C2CD2: variants seen among roughly 807,000 people sequenced by gnomAD.
C2CD2 encodes C2 domain-containing protein 2.
In C2CD2, 43 loss-of-function variants were observed where a neutral mutation model predicts 74.3. That is an observed-to-expected ratio of 0.58 (90% CI 0.45 to 0.75). The LOEUF is 0.75. Ranked by LOEUF, C2CD2 falls within the 30% of genes least tolerant of loss-of-function variation. The pLI is 0.00. For missense variants in C2CD2, 801 were observed against 916.3 expected (o/e 0.87, Z 1.63); for synonymous variants, 422 against 390.7 (o/e 1.08, Z -0.94).
rs569550259 is a variant in C2CD2 at position 41,920,217 on chromosome 21, G to A, written c.493-1257C>T. The stretch of plus-strand genomic sequence containing the variant: ...ACAGCTCCTGGATTTGGGCCTGGCC[G>A]GACACCTGGCCTCCTTCACGATGGC... On this transcript the variant is annotated intron_variant, in intron 3 of 13. Transcript: ENST00000380486. Among the ~76,000 whole-genome samples the A allele has an allele frequency of 7.9e-5, 12 of 152,304 alleles. No individual in the cohort carries two copies. In the East Asian group the frequency reaches 1.5e-3, roughly 20 times the overall value.
chr21:41,887,593 AAAAG>A lies in C2CD2; in HGVS notation c.*1527_*1530del, dbSNP rs2064699590. On this transcript the variant is annotated 3_prime_UTR_variant, in exon 14 of 14. Transcript: ENST00000380486. ...TGGTTTTTATATAGGTTTTTACTAA[AAAAG>A]AAAAAAATCCTATAATTTTGGTTTT... 1 of 150,738 alleles carries A rather than the reference AAAAG, an allele frequency of 6.6e-6. No individual in the cohort carries two copies. The highest frequency in any genetic ancestry group is 1.5e-5 in the Non-Finnish European group (1 of 67,876). The allele number at this position is 150,738 out of a possible 1,614,324, so 9.3% of individuals were successfully genotyped here. A position where few individuals can be genotyped will look rare whatever the true frequency, so the allele number is the denominator to read the frequency against.
rs1296080632 is a variant in C2CD2, at chr21:41,945,334, A to G, written c.280-3089T>C. Among the ~76,000 whole-genome samples, 2 of 152,182 alleles carry G rather than the reference A, an allele frequency of 1.3e-5. No homozygotes were observed. Among genetic ancestry groups the G allele is most frequent in the Non-Finnish European group, 2.9e-5 (2 of 68,032 alleles). On this transcript the variant is annotated intron_variant, in intron 1 of 13. Transcript: ENST00000380486. This position sits in a 1 kb window ranked among gnomAD's most constrained non-coding sequence, Gnocchi z 4.2. ...GTATGTTTGCTATTGCTGAACACTGAAGGGGAGCAATGAGAACCAAGAGGT... is the reference window on the plus strand; with the variant it reads ...GTATGTTTGCTATTGCTGAACACTGGAGGGGAGCAATGAGAACCAAGAGGT...
chr21:41,892,660 G>A lies in C2CD2; in HGVS notation c.1871-3316C>T, dbSNP rs898865880. Reference sequence around the variant, plus strand: ...GGGGGTCTGGGGACACTGGGCATGAGCATTTTTCAAAAGTTCCCAGGTCTT... The same window carrying A: ...GGGGGTCTGGGGACACTGGGCATGAACATTTTTCAAAAGTTCCCAGGTCTT... On this transcript the variant is annotated intron_variant, in intron 13 of 13. Coordinates refer to ENST00000380486, the MANE Select transcript of C2CD2 (RefSeq NM_015500.2). The surrounding 1 kb of genome is among the most constrained non-coding windows in gnomAD (Gnocchi z 4.6). 1.4e-4 allele frequency among the ~76,000 whole-genome samples: 21 copies of A among 148,058 alleles called. No homozygotes were observed. The highest frequency in any genetic ancestry group is 4.4e-4 in the African/African-American group (18 of 41,166).
At chr21:41,953,207 T>G (rs1351470527) in intron 1 of C2CD2, 163 bp downstream of exon 1, 8 of 426,738 alleles carry the variant, frequency 1.9e-5, no homozygotes, top group African/African-American at 1.4e-4. Flanking sequence ...TCAAGGGGCC[T>G]CGCTCCCCCG....
At chr21:41,906,896 G>A (rs2064968040) in intron 10 of C2CD2, 96 bp downstream of exon 10, 1 of 892,622 alleles carries the variant, frequency 1.1e-6, no homozygotes, top group African/African-American at 1.7e-5. Context: ...CTAACACTCG[G>A]CGCTGCAGGC....
intron 2 of C2CD2, among the ~76,000 whole-genome samples, chr21:41,935,969 T>G (rs1485579578): frequency 6.6e-6 from 1 of 151,488 alleles, no homozygotes; most frequent in East Asian, 1.9e-4. Flanking sequence ...AAAACTTAAA[T>G]GTGAGACCAG....
intron 2 of C2CD2, among the ~76,000 whole-genome samples, chr21:41,928,600 A>C (rs924979242): frequency 6.8e-6 from 1 of 147,860 alleles, no homozygotes; most frequent in African/African-American, 2.5e-5. Context: ...GTTTACAGTT[A>C]GCTAGAGTGA....
At chr21:41,914,893 T>C (rs1452318864) in intron 5 of C2CD2, among the ~76,000 whole-genome samples, 172 bp from the exon 6 acceptor site, 1 of 151,948 alleles carries the variant, frequency 6.6e-6, no homozygotes, top group Admixed American at 6.6e-5. Flanking sequence ...CCTTCTCACA[T>C]GAAGGGAGGG....
Position 41,907,078 on chromosome 21 carries a change from A to C in C2CD2, c.1232T>G (p.Met411Arg). Residue 411 changes from methionine to arginine, a missense_variant, in exon 10 of 14, where the codon ATG (methionine) becomes AGG (arginine). Coordinates refer to ENST00000380486, the MANE Select transcript of C2CD2 (RefSeq NM_015500.2). ...AGTAGTGACCACAGTCCCACAGGGC[A>C]TCACCGTGCGGTCCTTTTCTATTTT... Reference protein sequence around the residue: ...AAKIEKDRTVMPCGTVVTTVT... With the variant: ...AAKIEKDRTVRPCGTVVTTVT... The C allele has an allele frequency of 6.2e-7, 1 of 1,613,912 alleles. No individual in the cohort carries two copies. Among genetic ancestry groups the C allele is most frequent in the South Asian group, 1.1e-5 (1 of 91,074 alleles).
chr21:41,932,746 G>T (rs1421996676), intron 2 of C2CD2, among the ~76,000 whole-genome samples: 2 of 149,882 alleles, frequency 1.3e-5, no homozygotes, highest in Admixed American at 6.7e-5. Context: ...TTGGTCCTGT[G>T]GGATGACTCA....
At chr21:41,931,720 C>T (rs879767400) in intron 2 of C2CD2, among the ~76,000 whole-genome samples, 15 of 150,168 alleles carry the variant, frequency 1.0e-4, no homozygotes, top group Non-Finnish European at 2.2e-4. Flanking sequence ...CATGCCTGGC[C>T]AAGTGTCTTT....
chr21:41,900,610 G>A (rs1239026307), intron 12 of C2CD2, among the ~76,000 whole-genome samples: 1 of 152,182 alleles, frequency 6.6e-6, no homozygotes, highest in Non-Finnish European at 1.5e-5. Flanking sequence ...GGGTACAATG[G>A]CAAGGTTGAT....
chr21:41,896,131 G>T (rs1854094757), intron 13 of C2CD2, among the ~76,000 whole-genome samples: 1 of 152,196 alleles, frequency 6.6e-6, no homozygotes, highest in South Asian at 2.1e-4. Context: ...AGGCAGGTCG[G>T]CTGGCTGCTG....
chr21:41,946,614 T>A (rs893922046), intron 1 of C2CD2, among the ~76,000 whole-genome samples: 2 of 152,196 alleles, frequency 1.3e-5, no homozygotes, highest in African/African-American at 4.8e-5. Context: ...CAATTAAACC[T>A]CATTTCTTAT....
chr21:41,905,310 CTTTTTTTT>C (rs137969894), intron 11 of C2CD2, among the ~76,000 whole-genome samples: 1 of 125,354 alleles, frequency 8.0e-6, no homozygotes. Flanking sequence ...CAAATCAAAA[CTTTTTTTT>C]TTTTTTTTTT....
At position 41,926,459 on chromosome 21, in the gene C2CD2, G is replaced by C. The variant is rs188951150; in HGVS notation, c.379-4374C>G. The C allele has an allele frequency of 7.4e-6, 7 of 948,580 alleles. No individual in the cohort carries two copies. Among genetic ancestry groups the C allele is most frequent in the Non-Finnish European group, 8.8e-6 (7 of 796,532 alleles). The allele number at this position is 948,580 out of a possible 1,614,324, so 58.8% of individuals were successfully genotyped here. A position where few individuals can be genotyped will look rare whatever the true frequency, so the allele number is the denominator to read the frequency against. ...CCTGGGCAGCAGATGGAAGCACCAC[G>C]GGGAGGGGAAAACAAGACTGAAGGC... is the stretch of plus-strand genomic sequence containing the variant. On this transcript the variant is annotated intron_variant, in intron 2 of 13. Coordinates refer to ENST00000380486, the MANE Select transcript of C2CD2 (RefSeq NM_015500.2). The surrounding 1 kb of genome is among the most constrained non-coding windows in gnomAD (Gnocchi z 8.0).
At chr21:41,902,347 A>G (rs1448583630) in intron 11 of C2CD2, among the ~76,000 whole-genome samples, 1 of 152,222 alleles carries the variant, frequency 6.6e-6, no homozygotes. Context: ...GGTTAATAAC[A>G]ACACACACCA....
intron 13 of C2CD2, among the ~76,000 whole-genome samples, chr21:41,890,741 A>G (rs1343068515): frequency 6.6e-6 from 1 of 152,272 alleles, no homozygotes; most frequent in Non-Finnish European, 1.5e-5. Context: ...GGCACGAAGA[A>G]TATCAATTCC....
chr21:41,933,654 A>C (rs796065653), intron 2 of C2CD2, among the ~76,000 whole-genome samples: 1 of 152,356 alleles, frequency 6.6e-6, no homozygotes, highest in East Asian at 1.9e-4. Flanking sequence ...TTCTACTCCC[A>C]ACTGACCCTT....
Sources: gnomAD v4.1 joint callset for allele counts (sites outside exome capture counted in the v4.1 genomes callset) on GRCh38, gnomAD v4.1.1 for gene constraint, Gnocchi (gnomAD v3.1) non-coding constraint, MANE v1.5 for transcripts, NCBI Gene and HGNC (gene_info 2026-07-23, HGNC 2026-07-21) for gene names.